Variants in RPF2 observed in about 807,000 individuals in gnomAD.
RPF2 encodes ribosome production factor 2 homolog.
RPF2 carries 21 observed loss-of-function variants against 38.9 expected under a neutral mutation model. The observed-to-expected ratio is 0.54, with a 90% CI of 0.38 to 0.78. RPF2 has a LOEUF of 0.78. Among genes scored for constraint, RPF2 ranks in the 30% least tolerant of loss-of-function variants. The probability of loss-of-function intolerance (pLI) is 0.00; values close to 1 mark genes in which losing one functional copy is unlikely to be tolerated. For synonymous variants in RPF2, 121 were observed against 126.2 expected (o/e 0.96, Z 0.28); for missense variants, 314 against 358.1 (o/e 0.88, Z 0.99).
At chr6:110,984,935 ATTAGT>A in intron 1 of RPF2, 66 bp from the exon 2 acceptor site, 2 of 1,411,438 alleles carry the variant, frequency 1.4e-6, no homozygotes, top group East Asian at 4.8e-5. Context: ...GAATTTTCAT[ATTAGT>A]TAAGTCATGG....
intron 6 of RPF2, among the ~76,000 whole-genome samples, chr6:111,004,861 G>A (rs530773833): frequency 2.6e-5 from 4 of 152,186 alleles, no homozygotes; most frequent in Non-Finnish European, 4.4e-5. Flanking sequence ...GAGCCACCAC[G>A]CCCGGCCAAA....
intron 6 of RPF2, 29 bp from the exon 7 acceptor site, chr6:111,008,009 A>G (rs1176074351): frequency 1.3e-6 from 2 of 1,516,062 alleles, no homozygotes; most frequent in East Asian, 2.4e-5. Context: ...TTTGGTAATT[A>G]TATAATTGCT....
At chr6:111,014,971 T>TTTCA (rs1314365346) in intron 7 of RPF2, among the ~76,000 whole-genome samples, 1 of 152,098 alleles carries the variant, frequency 6.6e-6, no homozygotes, top group East Asian at 1.9e-4. Context: ...GGAGATGAGG[T>TTTCA]TTCACCATGT....
intron 4 of RPF2, among the ~76,000 whole-genome samples, chr6:110,994,843 T>A (rs1206114478): frequency 2.6e-5 from 4 of 151,726 alleles, no homozygotes; most frequent in Non-Finnish European, 5.9e-5. Context: ...ATGTTAGTCA[T>A]ACCATGAAAA....
chr6:110,982,290 T>G, intron 1 of RPF2, 161 bp downstream of exon 1: 3 of 760,032 alleles, frequency 3.9e-6, no homozygotes, highest in Admixed American at 2.3e-5. Context: ...GCGAGCTGCT[T>G]GCCAGGAGAC....
intron 1 of RPF2, 50 bp downstream of exon 1, chr6:110,982,179 C>T: frequency 1.3e-6 from 2 of 1,599,698 alleles, no homozygotes; most frequent in Non-Finnish European, 1.7e-6. Context: ...GAAAGGGTCC[C>T]GTGATGAGGG....
chr6:110,993,434 C>G (rs1265873831), intron 4 of RPF2, among the ~76,000 whole-genome samples: 1 of 152,028 alleles, frequency 6.6e-6, no homozygotes, highest in African/African-American at 2.4e-5. Flanking sequence ...GCATTTTACT[C>G]AGTTTTTTTC....
At chr6:110,991,935 TA>T (rs1407932332) in intron 4 of RPF2, 149 bp downstream of exon 4, 44 of 340,556 alleles carry the variant, frequency 1.3e-4, no homozygotes, top group Non-Finnish European at 2.3e-4. Flanking sequence ...GGAAATACTT[TA>T]AAAAATATCT....
At chr6:111,003,485 GA>G in intron 6 of RPF2, among the ~76,000 whole-genome samples, 1 of 152,054 alleles carries the variant, frequency 6.6e-6, no homozygotes, top group South Asian at 2.1e-4. Flanking sequence ...TAGAGACAAT[GA>G]GAATATTTAA....
At chr6:110,992,178 C>T (rs1002011235) in intron 4 of RPF2, among the ~76,000 whole-genome samples, 1 of 152,000 alleles carries the variant, frequency 6.6e-6, no homozygotes, top group African/African-American at 2.4e-5. Flanking sequence ...GGCGTGATGG[C>T]ACATGCCTGT....
chr6:110,998,383 C>G (rs9487571), intron 5 of RPF2, among the ~76,000 whole-genome samples: 13,787 of 151,978 alleles, frequency 0.091, 700 homozygotes, highest in Middle Eastern at 0.13. Flanking sequence ...CATGCTTGAG[C>G]CCACCCACCC....
chr6:111,002,924 G>A (rs1228452132), intron 6 of RPF2, among the ~76,000 whole-genome samples: 2 of 151,006 alleles, frequency 1.3e-5, no homozygotes, highest in East Asian at 2.0e-4. Flanking sequence ...GCCCACACTC[G>A]GCTAATTTTT....
intron 8 of RPF2, among the ~76,000 whole-genome samples, chr6:111,016,687 C>T (rs200974344): frequency 0.28 from 25,897 of 93,606 alleles, 3,179 homozygotes; most frequent in East Asian, 0.49. Context: ...TTTTTTCTTT[C>T]TTTTTTTTTT....
chr6:110,990,597 T>C (rs1317419128), intron 3 of RPF2, among the ~76,000 whole-genome samples: 1 of 145,184 alleles, frequency 6.9e-6, no homozygotes, highest in Non-Finnish European at 1.5e-5. Flanking sequence ...TTTGTTTTTT[T>C]AGTATGAGAC....
rs1772304462 is a variant in RPF2 at position 111,025,324 on chromosome 6, G to C, written c.742-79G>C. On this transcript the variant is annotated intron_variant, in intron 9 of 9. Coordinates refer to ENST00000441448, the MANE Select transcript of RPF2 (RefSeq NM_032194.3). ...AGGCACTAATGGAAATTGCTACTAA[G>C]ATAGTTGTTACAGACTAGATTTTTA... is the stretch of plus-strand genomic sequence containing the variant. The C allele has an allele frequency of 1.2e-5, 11 of 939,376 alleles. No homozygotes were observed. In the South Asian group the frequency reaches 1.8e-4, roughly 15 times the overall value. The allele number at this position is 939,376 out of a possible 1,614,324, so 58.2% of individuals were successfully genotyped here.
intron 6 of RPF2, among the ~76,000 whole-genome samples, chr6:111,002,110 T>C (rs540584982): frequency 3.8e-4 from 58 of 152,070 alleles, no homozygotes; most frequent in Middle Eastern, 3.4e-3. Context: ...TGAAGCCCCA[T>C]CTCTACTAAA....
chr6:110,988,950 G>A, intron 2 of RPF2, 78 bp from the exon 3 acceptor site: 2 of 1,518,276 alleles, frequency 1.3e-6, no homozygotes, highest in Non-Finnish European at 1.8e-6. Flanking sequence ...CTTGGAGAGT[G>A]ACTGTTATGA....
chr6:110,987,864 T>G (rs533611300), intron 2 of RPF2, among the ~76,000 whole-genome samples: 1 of 152,194 alleles, frequency 6.6e-6, no homozygotes, highest in African/African-American at 2.4e-5. Context: ...ATACAAGTAA[T>G]AAATGATTAT....
At chr6:110,995,333 A>G (rs1453459680) in intron 4 of RPF2, among the ~76,000 whole-genome samples, 1 of 152,198 alleles carries the variant, frequency 6.6e-6, no homozygotes, top group Non-Finnish European at 1.5e-5. Flanking sequence ...CCCTATTGAT[A>G]AAGTTAATTC....
Sources: allele counts gnomAD v4.1 joint callset (sites outside exome capture counted in the v4.1 genomes callset), GRCh38; gene constraint gnomAD v4.1.1; transcripts MANE v1.5; gene names NCBI Gene and HGNC (gene_info 2026-07-23, HGNC 2026-07-21).